FSTL5: variants seen among roughly 807,000 people sequenced by gnomAD.
FSTL5 encodes follistatin like 5.
A neutral mutation model predicts 89.1 loss-of-function variants in FSTL5; 62 were observed. The ratio of observed to expected loss-of-function variants is 0.70; its 90% CI spans 0.57 to 0.86. The LOEUF (loss-of-function observed/expected upper bound fraction) is 0.86, where lower values mean the gene tolerates loss of function less well. FSTL5 is among the 40% of genes least tolerant of loss of function. FSTL5 has a pLI of 0.00. For missense variants in FSTL5, 1,057 were observed against 1,001.6 expected (o/e 1.06, Z -0.75); for synonymous variants, 383 against 346.2 (o/e 1.11, Z -1.18).
chr4:161,550,563 T>TTATG (rs1355658007), intron 8 of FSTL5, among the ~76,000 whole-genome samples: 2 of 28,724 alleles, frequency 7.0e-5, no homozygotes, highest in East Asian at 2.1e-3. Context: ...TCTTTTTTAT[T>TTATG]TATTTATTTA....
chr4:161,551,824 C>A (rs1472058505), intron 8 of FSTL5, among the ~76,000 whole-genome samples: 1 of 151,824 alleles, frequency 6.6e-6, no homozygotes, highest in Non-Finnish European at 1.5e-5. Flanking sequence ...ACACCTTATA[C>A]AAAAATCAAT....
In FSTL5 at chr4:161,386,250, C is replaced by T. The variant is rs766085810; in HGVS notation, c.2041G>A (p.Gly681Ser). 9.3e-6 allele frequency: 15 copies of T among 1,613,842 alleles called. No homozygotes were observed. The highest frequency in any genetic ancestry group is 6.7e-5 in the African/African-American group (5 of 74,886). ...GAVSPQVMVD[G>S]VTDSVIGFNS... ...AACCCAATGACTGAGTCAGTTACAC[C>T]GTCCACCATGACCTGTGGGGAAACT... Residue 681 changes from glycine (G) to serine (S), a missense_variant, in exon 16 of 16, where the codon GGT becomes AGT. Physicochemically the swap from Gly to Ser is moderately conservative, Grantham distance 56 (BLOSUM62 0). This residue lies in a region of FSTL5 where 980 missense variants were observed against 903.2 expected (regional missense o/e 1.08). Coordinates refer to ENST00000306100, the MANE Select transcript of FSTL5 (RefSeq NM_020116.5).
At chr4:161,603,731 C>G (rs1172899670) in intron 7 of FSTL5, among the ~76,000 whole-genome samples, 1 of 151,918 alleles carries the variant, frequency 6.6e-6, no homozygotes, top group Non-Finnish European at 1.5e-5. Context: ...GCAGAGAATC[C>G]AGAATCATGT....
chr4:161,652,764 T>C (rs1252460396), intron 7 of FSTL5, among the ~76,000 whole-genome samples: 1 of 152,132 alleles, frequency 6.6e-6, no homozygotes, highest in African/African-American at 2.4e-5. Context: ...TAAAATGTAT[T>C]TATGTGTTAT....
chr4:161,855,526 G>A (rs7682544), intron 4 of FSTL5, among the ~76,000 whole-genome samples: 147,071 of 152,182 alleles, frequency 0.97, 71,197 homozygotes, highest in Non-Finnish European at 1. Flanking sequence ...AGTATTCATT[G>A]TATCAATGCC....
At chr4:161,822,374 G>T (rs1008254576) in intron 4 of FSTL5, among the ~76,000 whole-genome samples, 5 of 152,204 alleles carry the variant, frequency 3.3e-5, no homozygotes, top group Admixed American at 6.5e-5. Flanking sequence ...GGATGAGCCA[G>T]GTGCAGAGTG....
At chr4:161,501,196 AAG>A (rs1185042129) in intron 11 of FSTL5, among the ~76,000 whole-genome samples, 1 of 152,182 alleles carries the variant, frequency 6.6e-6, no homozygotes, top group Non-Finnish European at 1.5e-5. Flanking sequence ...TGTAAAGAGA[AAG>A]ATAATTTATT....
At chr4:161,772,477 A>G (rs751020469) in intron 5 of FSTL5, among the ~76,000 whole-genome samples, 3 of 148,588 alleles carry the variant, frequency 2.0e-5, no homozygotes, top group Admixed American at 6.7e-5. Flanking sequence ...AAGCTCCTAG[A>G]ACTGATAAAT....
chr4:161,411,291 T>C (rs939197548), intron 15 of FSTL5, among the ~76,000 whole-genome samples: 1 of 152,076 alleles, frequency 6.6e-6, no homozygotes, highest in Non-Finnish European at 1.5e-5. Flanking sequence ...TACTAAAAGT[T>C]TTCAAACAAT....
chr4:161,779,821 A>ATGTATATATATATATATATATATG lies in FSTL5; in HGVS notation c.410-3748_410-3747insCATATATATATATATATATATACA, dbSNP rs1267702879. Among the ~76,000 whole-genome samples the ATGTATATATATATATATATATATG allele has an allele frequency of 8.2e-3, 515 of 62,974 alleles. 19 individuals carry two copies. Among genetic ancestry groups the ATGTATATATATATATATATATATG allele is most frequent in the East Asian group, 0.032 (59 of 1,832 alleles). 41.3% of individuals were successfully genotyped at this position (62,974 alleles called of 152,430 possible). ...TATATATATATATATGTATATATAT[A>ATGTATATATATATATATATATATG]TATATATATATATATGTATATAAAA... On this transcript the variant is annotated intron_variant, in intron 4 of 15. Coordinates refer to ENST00000306100, the MANE Select transcript of FSTL5 (RefSeq NM_020116.5).
chr4:161,393,673 G>A (rs1203406460), intron 15 of FSTL5, among the ~76,000 whole-genome samples: 3 of 152,162 alleles, frequency 2.0e-5, no homozygotes, highest in African/African-American at 7.2e-5. Context: ...TCAGAGAAGT[G>A]TCAACTGACC....
chr4:162,004,238 C>T (rs1183088559), intron 3 of FSTL5, among the ~76,000 whole-genome samples: 1 of 152,122 alleles, frequency 6.6e-6, no homozygotes, highest in Admixed American at 6.5e-5. Context: ...TTTTGTGTGG[C>T]CAATGTAGAA....
At chr4:161,562,604 G>GA (rs1553997952) in intron 8 of FSTL5, among the ~76,000 whole-genome samples, 1 of 129,904 alleles carries the variant, frequency 7.7e-6, no homozygotes, top group Non-Finnish European at 1.7e-5. Context: ...AATATAAATG[G>GA]TTTTTTTTCC....
intron 7 of FSTL5, among the ~76,000 whole-genome samples, chr4:161,612,490 A>C (rs550088270): frequency 6.6e-6 from 1 of 152,350 alleles, no homozygotes; most frequent in African/African-American, 2.4e-5. Context: ...GGTGCTTCAA[A>C]TCCACACTAT....
At chr4:161,641,819 T>G (rs1427781262) in intron 7 of FSTL5, among the ~76,000 whole-genome samples, 1 of 152,058 alleles carries the variant, frequency 6.6e-6, no homozygotes, top group Non-Finnish European at 1.5e-5. Context: ...TTGAGGATGT[T>G]AAATGGACTT....
rs539311191 is a variant in FSTL5, at chr4:161,804,105, C to G, written c.410-28031G>C. ...CATCTCAGAAACAGCATCTGCACAT[C>G]AAATCCTCCTCATCCTTCAAATATT... On this transcript the variant is annotated intron_variant, in intron 4 of 15. Transcript: ENST00000306100. Among the ~76,000 whole-genome samples, 3 of 152,080 alleles carry G rather than the reference C, an allele frequency of 2.0e-5. No individual in the cohort carries two copies. In the East Asian group the frequency reaches 5.8e-4, roughly 29 times the overall value.
At chr4:161,954,505 G>A (rs1389919251) in intron 3 of FSTL5, among the ~76,000 whole-genome samples, 3 of 132,444 alleles carry the variant, frequency 2.3e-5, no homozygotes, top group African/African-American at 3.9e-5. Context: ...TTGCATATCG[G>A]GATATACCTG....
intron 4 of FSTL5, among the ~76,000 whole-genome samples, chr4:161,872,745 T>A (rs1160354938): frequency 6.6e-6 from 1 of 152,172 alleles, no homozygotes; most frequent in East Asian, 1.9e-4. Context: ...TATACAGATG[T>A]CTGCTACTGT....
At chr4:161,605,290 A>G (rs749931847) in intron 7 of FSTL5, among the ~76,000 whole-genome samples, 3 of 152,198 alleles carry the variant, frequency 2.0e-5, no homozygotes, top group Non-Finnish European at 2.9e-5. Flanking sequence ...ATGCCATAGC[A>G]CATAGCCTTC....
Sources: allele counts gnomAD v4.1 joint callset (sites outside exome capture counted in the v4.1 genomes callset), GRCh38; gene constraint gnomAD v4.1.1; regional missense constraint gnomAD v4.1.1; transcripts MANE v1.5; gene names NCBI Gene and HGNC (gene_info 2026-07-23, HGNC 2026-07-21).